LARGE1: variants seen among roughly 807,000 people sequenced by gnomAD.
LARGE1 encodes the protein LARGE xylosyl- and glucuronyltransferase 1.
In LARGE1, 43 loss-of-function variants were observed where a neutral mutation model predicts 87.6. The observed-to-expected ratio is 0.49, with a 90% confidence interval of 0.38 to 0.63. The LOEUF is 0.63. Ranked by LOEUF, LARGE1 falls within the 30% of genes least tolerant of loss-of-function variation. The probability of loss-of-function intolerance (pLI) is 0.00; values close to 1 mark genes in which losing one functional copy is unlikely to be tolerated. For missense variants in LARGE1, 802 were observed against 1,000.2 expected (o/e 0.80, Z 2.67); for synonymous variants, 434 against 394.6 (o/e 1.10, Z -1.18).
intron 1 of LARGE1, among the ~76,000 whole-genome samples, chr22:33,887,172 T>C (rs1601853289): frequency 1.3e-5 from 2 of 152,146 alleles, no homozygotes; most frequent in South Asian, 2.1e-4. Context: ...CCCCCCAAAA[T>C]TGCTTTGTCA....
chr22:33,665,929 C>T (rs1276564901), intron 2 of LARGE1, among the ~76,000 whole-genome samples: 4 of 151,672 alleles, frequency 2.6e-5, no homozygotes, highest in South Asian at 4.2e-4. Flanking sequence ...CAGAGGCTCA[C>T]TGGGCTTAAG....
intron 7 of LARGE1, among the ~76,000 whole-genome samples, chr22:33,396,304 T>TA (rs1457520847): frequency 6.6e-6 from 1 of 152,232 alleles, no homozygotes; most frequent in Non-Finnish European, 1.5e-5. Flanking sequence ...GTAAGTTTAT[T>TA]AAAAACCACT....
At position 33,761,356 on chromosome 22, in the gene LARGE1, G is replaced by T; in HGVS notation, c.106+15C>A. 1 of 1,588,852 alleles carries T rather than the reference G, an allele frequency of 6.3e-7. No individual in the cohort carries two copies. Among genetic ancestry groups the T allele is most frequent in the Non-Finnish European group, 8.6e-7 (1 of 1,157,202 alleles). On this transcript the variant is annotated intron_variant, in intron 2 of 14. Coordinates refer to ENST00000397394, the MANE Select transcript of LARGE1 (RefSeq NM_133642.5). ...TTCTTCCCTCCTTCCCTCTCACTTT[G>T]GCTTCCATTCTTACCTTCGAAGCTC...
chr22:33,780,815 T>A (rs774293632), intron 1 of LARGE1, among the ~76,000 whole-genome samples: 16 of 152,328 alleles, frequency 1.1e-4, no homozygotes, highest in Middle Eastern at 6.8e-3. Context: ...GCCTTCAAAG[T>A]TACAGAGTAA....
chr22:33,575,275 A>G (rs969051680), intron 5 of LARGE1, among the ~76,000 whole-genome samples: 2 of 152,224 alleles, frequency 1.3e-5, no homozygotes, highest in African/African-American at 4.8e-5. Flanking sequence ...CCCAAGCTTA[A>G]GTGCCCCACC....
intron 2 of LARGE1, among the ~76,000 whole-genome samples, chr22:33,676,466 T>C (rs573642805): frequency 1.8e-5 from 2 of 108,994 alleles, no homozygotes; most frequent in East Asian, 3.0e-4. Context: ...ACATAAAATA[T>C]ACCAGACTTC....
intron 1 of LARGE1, among the ~76,000 whole-genome samples, chr22:33,774,830 C>T (rs1189393712): frequency 1.3e-5 from 2 of 152,180 alleles, no homozygotes; most frequent in Admixed American, 6.5e-5. Context: ...GAAGTAGCCA[C>T]GCTTCAGGTG....
At chr22:33,366,336 A>G (rs891492702) in intron 9 of LARGE1, among the ~76,000 whole-genome samples, 2 of 152,252 alleles carry the variant, frequency 1.3e-5, no homozygotes, top group African/African-American at 2.4e-5. Flanking sequence ...GCAAATGCTC[A>G]GCAATAGTTT....
At chr22:33,648,819 C>T (rs780281825) in intron 3 of LARGE1, among the ~76,000 whole-genome samples, 6 of 152,218 alleles carry the variant, frequency 3.9e-5, no homozygotes, top group African/African-American at 7.2e-5. Context: ...TCTCCCTCTA[C>T]CTCTGATGAC....
intron 6 of LARGE1, among the ~76,000 whole-genome samples, chr22:33,509,685 C>G (rs1017928459): frequency 6.6e-6 from 1 of 152,146 alleles, no homozygotes; most frequent in African/African-American, 2.4e-5. Flanking sequence ...CTCCTGGCCT[C>G]AAGTGATCCT....
At chr22:33,639,991 A>T (rs970400433) in intron 3 of LARGE1, among the ~76,000 whole-genome samples, 1 of 152,216 alleles carries the variant, frequency 6.6e-6, no homozygotes, top group African/African-American at 2.4e-5. Context: ...TGGCATATTG[A>T]TAGAGGAGTT....
chr22:33,106,769 T>A, the LARGE1 span, among the ~76,000 whole-genome samples: 1,218 of 152,324 alleles, frequency 8.0e-3, 13 homozygotes, highest in African/African-American at 0.028. Context: ...GTGCTGGGAT[T>A]ACAGGCGTGA....
chr22:33,483,420 T>C (rs537192209), intron 6 of LARGE1, among the ~76,000 whole-genome samples: 69 of 152,074 alleles, frequency 4.5e-4, no homozygotes, highest in African/African-American at 1.6e-3. Flanking sequence ...GGGGCAGAGG[T>C]AGTGTCATGC....
intron 2 of LARGE1, among the ~76,000 whole-genome samples, chr22:33,671,238 T>C (rs2081401697): frequency 6.6e-6 from 1 of 152,198 alleles, no homozygotes; most frequent in Admixed American, 6.5e-5. Flanking sequence ...ACCTGAGTTT[T>C]ACTGGATTTC....
rs563013057 is a variant in LARGE1, at chr22:33,316,161, A to G, written c.1375T>C (p.Tyr459His). 1 of 1,614,132 alleles carries G rather than the reference A, an allele frequency of 6.2e-7. No homozygotes were observed. Among genetic ancestry groups the G allele is most frequent in the East Asian group, 2.2e-5 (1 of 44,876 alleles). The change falls in exon 11 of 15, where the codon TAC becomes CAC. Residue 459 changes from tyrosine (Y) to histidine (H), a missense_variant. This residue lies in a region of LARGE1 where 625 missense variants were observed against 841.9 expected (regional missense o/e 0.74). Coordinates refer to ENST00000397394, the MANE Select transcript of LARGE1 (RefSeq NM_133642.5). Reference protein sequence around the residue: ...ERFTVHRTHLYFLHYEYEPAA... With the variant: ...ERFTVHRTHLHFLHYEYEPAA... ...GGCTCATACTCGTAGTGCAGGAAGT[A>G]CAGGTGGGTGCGGTGGACAGTGAAG...
intron 6 of LARGE1, among the ~76,000 whole-genome samples, chr22:33,533,839 A>C (rs1330044429): frequency 1.3e-5 from 2 of 150,384 alleles, no homozygotes; most frequent in Non-Finnish European, 3.0e-5. Context: ...TCTTGTTCAT[A>C]TTTGATGGGT....
At position 33,260,632 on chromosome 22, in the gene LARGE1, C is replaced by T. The variant is rs189802014; in HGVS notation, c.1730+43597G>A. ...CTGGGACAGCGGTTTGCTGAACCCA[C>T]ATTCGTTGCCTTCAGTGAACCGAGA... is the stretch of plus-strand genomic sequence containing the variant. On this transcript the variant is annotated intron_variant, in intron 11 of 11. Transcript: ENST00000608642. 2.2e-4 allele frequency among the ~76,000 whole-genome samples: 33 copies of T among 152,342 alleles called. No individual in the cohort carries two copies. The East Asian group carries it at 5.6e-3, about 26-fold the overall frequency.
chr22:33,425,041 A>C (rs1169041781), intron 7 of LARGE1, among the ~76,000 whole-genome samples: 1 of 151,842 alleles, frequency 6.6e-6, no homozygotes, highest in Non-Finnish European at 1.5e-5. Flanking sequence ...AAACGGGTGG[A>C]TCATGAGGTT....
rs529218497 is a variant in LARGE1, at chr22:33,628,284, A to G, written c.409-1958T>C. Among the ~76,000 whole-genome samples the G allele has an allele frequency of 2.0e-5, 3 of 151,128 alleles. No homozygotes were observed. In the South Asian group the frequency reaches 6.3e-4, roughly 32 times the overall value. ...AGATCAGGAAACCCAGGCTTAGAGAATTGGGATTTGAATTCTGAAACAGAC... is the reference window on the plus strand; with the variant it reads ...AGATCAGGAAACCCAGGCTTAGAGAGTTGGGATTTGAATTCTGAAACAGAC... On this transcript the variant is annotated intron_variant, in intron 3 of 14. Coordinates refer to ENST00000397394, the MANE Select transcript of LARGE1 (RefSeq NM_133642.5).
Sources: allele counts gnomAD v4.1 joint callset (sites outside exome capture counted in the v4.1 genomes callset), GRCh38; gene constraint gnomAD v4.1.1; regional missense constraint gnomAD v4.1.1; transcripts MANE v1.5; gene names NCBI Gene and HGNC (gene_info 2026-07-23, HGNC 2026-07-21).